ICE1: variants seen among roughly 807,000 people sequenced by gnomAD.
ICE1 encodes little elongation complex subunit 1.
ICE1 carries 64 observed loss-of-function variants against 192.7 expected under a neutral mutation model. The observed-to-expected ratio is 0.33, with a 90% CI of 0.27 to 0.41. The LOEUF (loss-of-function observed/expected upper bound fraction) is 0.41. ICE1 is among the 10% of genes least tolerant of loss of function. The pLI is 1.00. For missense variants in ICE1, 2,708 were observed against 2,696.0 expected, an observed-to-expected ratio of 1.00 and a Z score of -0.10; for synonymous variants, 1,010 against 984.5, an observed-to-expected ratio of 1.03 and a Z score of -0.49.
In ICE1 at chr5:5,466,328, A is replaced by T; in HGVS notation, c.5893-6A>T. ...CATTGCCTTTTTAATTTTTTTTTCA[A>T]TCCAGCATTTAGCAGAGTGCTTGCT... On this transcript the variant is annotated splice_region_variant and splice_polypyrimidine_tract_variant and intron_variant, in intron 13 of 18. Transcript: ENST00000296564. 6.3e-7 allele frequency: 1 copy of T among 1,586,204 alleles called. No homozygotes were observed. The highest frequency in any genetic ancestry group is 8.5e-7 in the Non-Finnish European group (1 of 1,170,080).
intron 12 of ICE1, 62 bp from the exon 13 acceptor site, chr5:5,460,374 A>C: frequency 9.8e-7 from 1 of 1,021,170 alleles, no homozygotes; most frequent in Non-Finnish European, 1.4e-6. Context: ...TAATGCATTT[A>C]ATTGATAGTC....
intron 1 of ICE1, among the ~76,000 whole-genome samples, chr5:5,428,312 TAGATATCAGTG>T (rs1315723895): frequency 1.3e-5 from 2 of 152,138 alleles, no homozygotes; most frequent in African/African-American, 2.4e-5. Context: ...TCATCTCTGC[TAGATATCAGTG>T]TAGGCTTTGA....
At chr5:5,468,283 G>C (rs964167493) in intron 14 of ICE1, among the ~76,000 whole-genome samples, 40 of 152,190 alleles carry the variant, frequency 2.6e-4, no homozygotes, top group Admixed American at 2.3e-3. Flanking sequence ...GAGAGCGAGA[G>C]AAGTTTTGAA....
chr5:5,433,954 G>C (rs1429577180), intron 1 of ICE1, among the ~76,000 whole-genome samples: 1 of 151,788 alleles, frequency 6.6e-6, no homozygotes, highest in East Asian at 1.9e-4. Context: ...AAAAACCTAA[G>C]TAGGATATTG....
In ICE1 at chr5:5,422,869, C is replaced by CGCGGGCCCCTGAGGCGT. The variant is rs1347248602; in HGVS notation, c.-43_-27dup. On this transcript the variant is annotated 5_prime_UTR_variant, in exon 1 of 19. Coordinates refer to ENST00000296564, the MANE Select transcript of ICE1 (RefSeq NM_015325.3). ...AGCAGAGACAGGACGGGGCCGACGC[C>CGCGGGCCCCTGAGGCGT]GCGGGCCCCTGAGGCGTGCGTGCCC... 2 of 1,263,714 alleles carry CGCGGGCCCCTGAGGCGT rather than the reference C, an allele frequency of 1.6e-6. No individual in the cohort carries two copies. Among genetic ancestry groups the CGCGGGCCCCTGAGGCGT allele is most frequent in the East Asian group, 6.6e-5 (2 of 30,490 alleles). The allele number at this position is 1,263,714 out of a possible 1,614,324, so 78.3% of individuals were successfully genotyped here. A position where few individuals can be genotyped will look rare whatever the true frequency, so the allele number is the denominator to read the frequency against.
In ICE1 at chr5:5,460,618, T is replaced by C. The variant is rs1171916149; in HGVS notation, c.1284T>C (p.Ala428=). ...EKPKSHEAIQ[A]LNTWEVNKVT... ...CCAAATCACATGAAGCTATCCAAGC[T>C]CTGAATACATGGGAAGTAAATAAAG... The change falls in exon 13 of 19, where the codon GCT becomes GCC. Residue 428 remains alanine, a synonymous_variant. Transcript: ENST00000296564. The C allele has an allele frequency of 1.2e-6, 2 of 1,613,624 alleles. No homozygotes were observed. The highest frequency in any genetic ancestry group is 1.7e-6 in the Non-Finnish European group (2 of 1,179,812).
intron 10 of ICE1, among the ~76,000 whole-genome samples, chr5:5,451,990 G>C (rs1354978696): frequency 6.6e-6 from 1 of 151,930 alleles, no homozygotes; most frequent in African/African-American, 2.4e-5. Flanking sequence ...ATTTATCTCA[G>C]GAATACTACA....
chr5:5,454,850 CA>C (rs565365581), intron 11 of ICE1, among the ~76,000 whole-genome samples: 5 of 150,158 alleles, frequency 3.3e-5, no homozygotes, highest in East Asian at 2.0e-4. Context: ...AGAGAACCTT[CA>C]AAAAAAAACG....
chr5:5,433,255 G>C (rs1737776620), intron 1 of ICE1, among the ~76,000 whole-genome samples: 1 of 152,156 alleles, frequency 6.6e-6, no homozygotes, highest in Non-Finnish European at 1.5e-5. Context: ...CTGCTGGATG[G>C]GGGAGGAGTG....
Position 5,435,662 on chromosome 5 carries a change from T to G in ICE1, c.85-756T>G, listed in dbSNP as rs570854970. Among the ~76,000 whole-genome samples, 211 of 126,524 alleles carry G rather than the reference T, an allele frequency of 1.7e-3. 1 individual carries two copies. The highest frequency in any genetic ancestry group is 4.8e-3 in the African/African-American group (165 of 34,418). 83.0% of individuals were successfully genotyped at this position (126,524 alleles called of 152,430 possible). ...TAATTTAGAGCCAAATTTGTGTTTT[T>G]TTTTTTTTTTGTTTTGTTTTTGTTT... is the stretch of plus-strand genomic sequence containing the variant. On this transcript the variant is annotated intron_variant, in intron 1 of 18. Transcript: ENST00000296564.
chr5:5,475,288 C>T (rs191746900), intron 16 of ICE1, among the ~76,000 whole-genome samples: 3 of 152,300 alleles, frequency 2.0e-5, no homozygotes, highest in Non-Finnish European at 4.4e-5. Flanking sequence ...TGTTTACATC[C>T]ATAGATAGTA....
At chr5:5,434,898 T>C (rs1214163814) in intron 1 of ICE1, among the ~76,000 whole-genome samples, 1 of 152,234 alleles carries the variant, frequency 6.6e-6, no homozygotes, top group Non-Finnish European at 1.5e-5. Flanking sequence ...AAAGGTGGAA[T>C]ACGTTTTTTA....
chr5:5,483,090 A>G (rs1739550117), intron 17 of ICE1, among the ~76,000 whole-genome samples: 3 of 152,148 alleles, frequency 2.0e-5, no homozygotes, highest in South Asian at 4.1e-4. Context: ...TCCCAGGTTC[A>G]AGCGATTCTC....
At chr5:5,457,879 G>T in intron 12 of ICE1, 138 bp downstream of exon 12, 1 of 809,716 alleles carries the variant, frequency 1.2e-6, no homozygotes, top group Non-Finnish European at 2.0e-6. Context: ...GGTAACATGA[G>T]GTTTTTAAAA....
At chr5:5,472,456 T>C (rs1391337722) in intron 15 of ICE1, among the ~76,000 whole-genome samples, 3 of 152,172 alleles carry the variant, frequency 2.0e-5, no homozygotes, top group Non-Finnish European at 2.9e-5. Flanking sequence ...AAATGTAAAA[T>C]AGGTACTCAA....
Position 5,464,264 on chromosome 5 carries a change from C to T in ICE1, c.4930C>T (p.Pro1644Ser), listed in dbSNP as rs1209468406. ...PLLAPLIATP[P>S]RTSQPLSPLI... Reference sequence around the variant, plus strand: ...GCTTGCTCCTCTGATAGCTACACCTCCAAGGACTTCACAGCCACTGTCTCC... The same window carrying T: ...GCTTGCTCCTCTGATAGCTACACCTTCAAGGACTTCACAGCCACTGTCTCC... Residue 1644 changes from proline to serine, a missense_variant, in exon 13 of 19, where the codon CCA becomes TCA. Pro to Ser is a moderately conservative substitution (Grantham distance 74). This residue lies in a region of ICE1 where 2,366 missense variants were observed against 2,276.6 expected (regional missense o/e 1.04). Coordinates refer to ENST00000296564, the MANE Select transcript of ICE1 (RefSeq NM_015325.3). The surrounding 1 kb of genome is among the most constrained non-coding windows in gnomAD (Gnocchi z 4.0). The T allele has an allele frequency of 1.2e-6, 2 of 1,613,486 alleles. No individual in the cohort carries two copies. The highest frequency in any genetic ancestry group is 1.3e-5 in the African/African-American group (1 of 74,770).
chr5:5,427,575 G>A (rs1434126132), intron 1 of ICE1, among the ~76,000 whole-genome samples: 3 of 152,156 alleles, frequency 2.0e-5, no homozygotes, highest in Non-Finnish European at 4.4e-5. Context: ...GTTGTCCTTG[G>A]AACAGATTTG....
intron 10 of ICE1, among the ~76,000 whole-genome samples, chr5:5,453,017 G>T (rs1738470814): frequency 6.6e-6 from 1 of 151,950 alleles, no homozygotes; most frequent in Non-Finnish European, 1.5e-5. Flanking sequence ...TTATTTTTTG[G>T]GTCAGATTAG....
At chr5:5,457,891 G>C (rs752772520) in intron 12 of ICE1, 150 bp downstream of exon 12, 6 of 729,458 alleles carry the variant, frequency 8.2e-6, no homozygotes, top group Non-Finnish European at 1.2e-5. Flanking sequence ...TTTTTAAAAA[G>C]CATGCCACTA....
Sources: allele counts gnomAD v4.1 joint callset (sites outside exome capture counted in the v4.1 genomes callset), GRCh38; gene constraint gnomAD v4.1.1; regional missense constraint gnomAD v4.1.1; non-coding constraint Gnocchi (gnomAD v3.1); transcripts MANE v1.5; gene names NCBI Gene and HGNC (gene_info 2026-07-23, HGNC 2026-07-21).